The following ADCY1 variants were observed in gnomAD, a reference collection of about 807,000 sequenced individuals.
The protein encoded by ADCY1 is adenylate cyclase 1.
A neutral mutation model predicts 105.4 loss-of-function variants in ADCY1; 28 were observed. That is an observed-to-expected ratio of 0.27 (90% CI 0.20 to 0.36). The LOEUF (loss-of-function observed/expected upper bound fraction) is 0.36, where lower values mean the gene tolerates loss of function less well. Among genes scored for constraint, ADCY1 ranks in the 10% least tolerant of loss-of-function variants. The pLI, the probability that ADCY1 is intolerant of heterozygous loss-of-function variation, is 1.00. For synonymous variants in ADCY1, 655 were observed against 623.8 expected (o/e 1.05, Z -0.75); for missense variants, 977 against 1,434.2 (o/e 0.68, Z 5.15).
intron 4 of ADCY1, 98 bp downstream of exon 4, chr7:45,622,841 C>T (rs894968355): frequency 6.4e-5 from 58 of 905,680 alleles, no homozygotes; most frequent in Non-Finnish European, 8.8e-5. Flanking sequence ...ATGAACTAGA[C>T]TGATTGCTAA....
At chr7:45,682,013 C>A (rs1041095753) in intron 11 of ADCY1, among the ~76,000 whole-genome samples, 3 of 152,206 alleles carry the variant, frequency 2.0e-5, no homozygotes, top group African/African-American at 7.2e-5. Context: ...GGGGGTATGT[C>A]AACTCCAGGC....
intron 8 of ADCY1, among the ~76,000 whole-genome samples, chr7:45,673,171 A>G (rs1433631772): frequency 2.6e-5 from 4 of 151,252 alleles, no homozygotes; most frequent in African/African-American, 7.3e-5. Context: ...ATATTACTGA[A>G]TTTTATTTGC....
chr7:45,639,807 A>G (rs756348211), intron 4 of ADCY1, among the ~76,000 whole-genome samples: 12 of 152,010 alleles, frequency 7.9e-5, no homozygotes, highest in Middle Eastern at 6.8e-3. Flanking sequence ...AGGTTAGACA[A>G]CCCCCATGAG....
chr7:45,590,904 C>T (rs534207045), intron 1 of ADCY1, among the ~76,000 whole-genome samples: 1 of 152,210 alleles, frequency 6.6e-6, no homozygotes, highest in African/African-American at 2.4e-5. Context: ...TCGTCAGCCC[C>T]ACAGGGTCAG....
rs1185071621 is a variant in ADCY1 at position 45,722,463 on chromosome 7, G to A, written c.*8468G>A. The A allele has an allele frequency of 1.3e-5, 2 of 152,128 alleles. No homozygotes were observed. The highest frequency in any genetic ancestry group is 2.9e-5 in the Non-Finnish European group (2 of 68,026). The allele number at this position is 152,128 out of a possible 1,614,324, so 9.4% of individuals were successfully genotyped here. A position where few individuals can be genotyped will look rare whatever the true frequency, so the allele number is the denominator to read the frequency against. Reference sequence around the variant, plus strand: ...CTGAGCTTTGTGTAGCTCGAGCTTTGTGTAGCTCGTGCACTTATTATGCAC... The same window carrying A: ...CTGAGCTTTGTGTAGCTCGAGCTTTATGTAGCTCGTGCACTTATTATGCAC... On this transcript the variant is annotated 3_prime_UTR_variant, in exon 20 of 20. Transcript: ENST00000297323.
At chr7:45,712,655 G>A (rs1234598747) in intron 19 of ADCY1, among the ~76,000 whole-genome samples, 1 of 152,082 alleles carries the variant, frequency 6.6e-6, no homozygotes, top group South Asian at 2.1e-4. Context: ...CATGGATTTG[G>A]TTCTTTTAAC....
intron 4 of ADCY1, among the ~76,000 whole-genome samples, chr7:45,631,080 A>G (rs965589248): frequency 1.3e-5 from 2 of 152,262 alleles, no homozygotes; most frequent in Non-Finnish European, 2.9e-5. Context: ...TGCCTAGGAC[A>G]AGGTTTACAC....
At position 45,640,738 on chromosome 7, in the gene ADCY1, A is replaced by G. The variant is rs545572153; in HGVS notation, c.1021-7932A>G. Among the ~76,000 whole-genome samples, 3 of 152,338 alleles carry G rather than the reference A, an allele frequency of 2.0e-5. No homozygotes were observed. The South Asian group carries it at 6.2e-4, about 32-fold the overall frequency. On this transcript the variant is annotated intron_variant, in intron 4 of 19. Coordinates refer to ENST00000297323, the MANE Select transcript of ADCY1 (RefSeq NM_021116.4). ...TTAAGATGTTATCTTTATTTTCTAT[A>G]GGGGACCAAACATCCTTTAACTTTT... is the stretch of plus-strand genomic sequence containing the variant.
In ADCY1 at chr7:45,650,252, CATATT is replaced by C. The variant is rs530658241; in HGVS notation, c.1148+1460_1148+1464del. ...ACATAATCTACCATATAACATATCA[CATATT>C]ATATATCACACGTCATATAACTGTC... is the stretch of plus-strand genomic sequence containing the variant. On this transcript the variant is annotated intron_variant, in intron 5 of 19. Transcript: ENST00000297323. Among the ~76,000 whole-genome samples, 21 of 152,204 alleles carry C rather than the reference CATATT, an allele frequency of 1.4e-4. No homozygotes were observed. In the East Asian group the frequency reaches 2.7e-3, roughly 20 times the overall value.
chr7:45,588,248 C>CGT (rs544696520), intron 1 of ADCY1, among the ~76,000 whole-genome samples: 1 of 151,754 alleles, frequency 6.6e-6, no homozygotes. Flanking sequence ...TGTGTGTGTG[C>CGT]GTGTGTGTGT....
rs796529805 is a variant in ADCY1 at position 45,583,949 on chromosome 7, T to G, written c.639+8767T>G. Among the ~76,000 whole-genome samples the G allele has an allele frequency of 5.3e-3, 738 of 139,182 alleles. 15 individuals carry two copies. Among genetic ancestry groups the G allele is most frequent in the East Asian group, 0.018 (80 of 4,454 alleles). 91.3% of individuals were successfully genotyped at this position (139,182 alleles called of 152,430 possible). On this transcript the variant is annotated intron_variant, in intron 1 of 19. Coordinates refer to ENST00000297323, the MANE Select transcript of ADCY1 (RefSeq NM_021116.4). ...GCCACTGTGCCCTGTTTTTTTTTTTTTTTTTTTTTTTTTTTTCAGACAAAG... is the reference window on the plus strand; with the variant it reads ...GCCACTGTGCCCTGTTTTTTTTTTTGTTTTTTTTTTTTTTTTCAGACAAAG...
chr7:45,631,829 G>C (rs757531691), intron 4 of ADCY1, among the ~76,000 whole-genome samples: 4 of 152,200 alleles, frequency 2.6e-5, no homozygotes, highest in Non-Finnish European at 5.9e-5. Flanking sequence ...GCATCTCAGA[G>C]TAAGGTTGCA....
At chr7:45,669,681 C>T (rs1164996523) in intron 8 of ADCY1, among the ~76,000 whole-genome samples, 1 of 152,152 alleles carries the variant, frequency 6.6e-6, no homozygotes, top group Non-Finnish European at 1.5e-5. Context: ...TACCCCATCT[C>T]CTGGGCATTT....
chr7:45,677,628 T>A (rs933879526), intron 8 of ADCY1, among the ~76,000 whole-genome samples: 1 of 152,146 alleles, frequency 6.6e-6, no homozygotes, highest in Non-Finnish European at 1.5e-5. Flanking sequence ...TAATCCTTGC[T>A]GCCATGCCAT....
rs1793808938 is a variant in ADCY1 at position 45,618,701 on chromosome 7, A to G, written c.909-3931A>G. On this transcript the variant is annotated intron_variant, in intron 3 of 19. Coordinates refer to ENST00000297323, the MANE Select transcript of ADCY1 (RefSeq NM_021116.4). ...CCCCAGTTAGATTGGCTATTATCAAAAAGACAAAAAAGCAAATACTGATGC... is the reference window on the plus strand; with the variant it reads ...CCCCAGTTAGATTGGCTATTATCAAGAAGACAAAAAAGCAAATACTGATGC... 2.0e-5 allele frequency among the ~76,000 whole-genome samples: 3 copies of G among 152,218 alleles called. No individual in the cohort carries two copies. The South Asian group carries it at 6.2e-4, about 31-fold the overall frequency.
At chr7:45,696,177 G>T (rs1008249500) in intron 14 of ADCY1, among the ~76,000 whole-genome samples, 1 of 152,066 alleles carries the variant, frequency 6.6e-6, no homozygotes, top group Admixed American at 6.5e-5. Context: ...CGTGGCTCAT[G>T]CCTGTAATCC....
At chr7:45,587,378 G>C (rs1792762130) in intron 1 of ADCY1, among the ~76,000 whole-genome samples, 1 of 152,214 alleles carries the variant, frequency 6.6e-6, no homozygotes, top group South Asian at 2.1e-4. Flanking sequence ...GGGATGATGG[G>C]AGGGTCTGCC....
intron 1 of ADCY1, among the ~76,000 whole-genome samples, chr7:45,585,688 TCCAC>T (rs1372685019): frequency 6.6e-6 from 1 of 152,146 alleles, no homozygotes; most frequent in African/African-American, 2.4e-5. Context: ...CCTCAGGTGA[TCCAC>T]CCACCTCGGC....
At chr7:45,610,725 G>GATGGTGGAAGTGTGGAGGT (rs1793518042) in intron 3 of ADCY1, among the ~76,000 whole-genome samples, 5 of 3,394 alleles carry the variant, frequency 1.5e-3, no homozygotes, top group Admixed American at 3.6e-3. Context: ...GGTGAGGAGG[G>GATGGTGGAAGTGTGGAGGT]GATAGTGGAG....
Sources: gnomAD v4.1 joint callset for allele counts (sites outside exome capture counted in the v4.1 genomes callset) on GRCh38, gnomAD v4.1.1 for gene constraint, MANE v1.5 for transcripts, NCBI Gene and HGNC (gene_info 2026-07-23, HGNC 2026-07-21) for gene names.